Variants in TNC observed in about 807,000 individuals in gnomAD.
TNC encodes tenascin C, also known as tenascin.
TNC carries 109 observed loss-of-function variants against 202.4 expected under a neutral mutation model. The ratio of observed to expected loss-of-function variants is 0.54; its 90% CI spans 0.46 to 0.63. TNC has a LOEUF of 0.63. Ranked by LOEUF, TNC falls within the 30% of genes least tolerant of loss-of-function variation. The pLI is 0.00. For synonymous variants in TNC, 1,007 were observed against 1,089.7 expected (o/e 0.92, Z 1.50); for missense variants, 2,756 against 2,833.3 (o/e 0.97, Z 0.62).
chr9:115,056,502 T>G (rs2132422825), intron 15 of TNC, among the ~76,000 whole-genome samples: 1 of 152,342 alleles, frequency 6.6e-6, no homozygotes, highest in South Asian at 2.1e-4. Flanking sequence ...GTCCCTTGTT[T>G]GAACACAACT....
intron 9 of TNC, among the ~76,000 whole-genome samples, chr9:115,074,743 C>G (rs1226568789): frequency 6.6e-6 from 1 of 151,818 alleles, no homozygotes; most frequent in Non-Finnish European, 1.5e-5. Context: ...TGTATCTTGA[C>G]TCTAGTGGTG....
chr9:115,047,240 C>CTTTTTTTTTTTT (rs397975455), intron 16 of TNC, among the ~76,000 whole-genome samples: 1 of 107,230 alleles, frequency 9.3e-6, no homozygotes, highest in African/African-American at 3.6e-5. Context: ...CTACCCTTGA[C>CTTTTTTTTTTTT]TTTTTTTTTT....
In TNC at chr9:115,062,915, AC is replaced by A. The variant is rs746028442; in HGVS notation, c.4033+1del. 1 of 1,611,728 alleles carries A rather than the reference AC, an allele frequency of 6.2e-7. No individual in the cohort carries two copies. The highest frequency in any genetic ancestry group is 1.7e-5 in the Admixed American group (1 of 59,950). On this transcript the variant is annotated splice_donor_variant, in intron 13 of 27. Transcript: ENST00000350763. LOFTEE classifies it high-confidence loss of function. ...CTCCAGTCTGGGAGGAGGGTCATAT[AC>A]CTGTGACGACCTCTACAGCAAGGGG...
At chr9:115,075,436 G>T (rs2133108301) in intron 9 of TNC, among the ~76,000 whole-genome samples, 1 of 152,262 alleles carries the variant, frequency 6.6e-6, no homozygotes, top group East Asian at 1.9e-4. Flanking sequence ...AGATGCAACT[G>T]ATTACCAACT....
intron 1 of TNC, among the ~76,000 whole-genome samples, chr9:115,101,908 C>CATA (rs1308785130): frequency 6.6e-6 from 1 of 152,042 alleles, no homozygotes; most frequent in African/African-American, 2.4e-5. Context: ...AAGAAGTTGA[C>CATA]ATAATAATAA....
At chr9:115,082,914 C>T (rs1343519992) in intron 4 of TNC, 107 bp from the exon 5 acceptor site, 2 of 739,372 alleles carry the variant, frequency 2.7e-6, no homozygotes, top group African/African-American at 1.7e-5. Context: ...CAGTCAGGGG[C>T]TGACAACCAG....
At chr9:115,036,529 C>T (rs184345801) in intron 20 of TNC, among the ~76,000 whole-genome samples, 13 of 152,270 alleles carry the variant, frequency 8.5e-5, no homozygotes, top group African/African-American at 2.9e-4. Context: ...TGGCTGGAAT[C>T]GCTTTGCCAC....
At chr9:115,048,142 C>T (rs957033143) in intron 16 of TNC, 118 bp downstream of exon 16, 1 of 1,295,426 alleles carries the variant, frequency 7.7e-7, no homozygotes, top group African/African-American at 1.5e-5. Context: ...CAGTAGACTA[C>T]ATTTATGGAT....
Position 115,086,511 on chromosome 9 carries a change from T to C in TNC, c.1220A>G (p.Lys407Arg). The C allele has an allele frequency of 2.5e-6, 4 of 1,613,482 alleles. No individual in the cohort carries two copies. The highest frequency in any genetic ancestry group is 3.4e-6 in the Non-Finnish European group (4 of 1,179,922). ...GFTGADCGEL[K>R]CPNGCSGHGR... ...ATGGCCACTGCAGCCATTGGGACAC[T>C]TGAGCTCCCCACAGTCAGCTCCAGT... The change falls in exon 3 of 28, where the codon AAG (lysine) becomes AGG (arginine). Residue 407 changes from lysine (K) to arginine (R), a missense_variant. Coordinates refer to ENST00000350763, the MANE Select transcript of TNC (RefSeq NM_002160.4).
In TNC at chr9:115,036,094, G is replaced by T. The variant is rs558578965; in HGVS notation, c.5656+4C>A. ...AGAGCTTCCAGCTCTCAGTGTCTTT[G>T]TACCTGTTGTGAACTTGGCAGTGAT... On this transcript the variant is annotated splice_donor_region_variant and intron_variant, in intron 21 of 27. Transcript: ENST00000350763. The T allele has an allele frequency of 2.5e-6, 4 of 1,614,128 alleles. No homozygotes were observed. The highest frequency in any genetic ancestry group is 1.1e-5 in the South Asian group (1 of 91,074).
At chr9:115,095,407 C>T (rs1475353717) in intron 1 of TNC, among the ~76,000 whole-genome samples, 5 of 149,090 alleles carry the variant, frequency 3.4e-5, no homozygotes, top group African/African-American at 9.9e-5. Context: ...AACTTTTCCT[C>T]TCTCAGTGAT....
chr9:115,041,130 C>T, intron 18 of TNC, 46 bp from the exon 19 acceptor site: 4 of 1,560,330 alleles, frequency 2.6e-6, no homozygotes, highest in East Asian at 2.3e-5. Flanking sequence ...ACCTCACTGA[C>T]ACTTATTCAC....
chr9:115,117,066 T>C (rs2134579764), intron 1 of TNC, among the ~76,000 whole-genome samples: 1 of 152,334 alleles, frequency 6.6e-6, no homozygotes, highest in East Asian at 1.9e-4. Context: ...GCAGACGCTA[T>C]TGTCCCCATT....
chr9:115,036,190 G>C lies in TNC; in HGVS notation c.5564C>G (p.Thr1855Ser), dbSNP rs765447638. ...VSGNTVEYAL[T>S]DLEPATEYTL... ...GTATTCCGTGGCAGGCTCGAGGTCG[G>C]TCAGAGCATACTCCACTGTGTTCCC... Residue 1855 changes from threonine to serine, a missense_variant, in exon 21 of 28, where the codon ACC (threonine) becomes AGC (serine). Physicochemically the swap from Thr to Ser is moderately conservative, Grantham distance 58. This residue lies in a region of TNC where 2,559 missense variants were observed against 2,546.0 expected (regional missense o/e 1.01). Coordinates refer to ENST00000350763, the MANE Select transcript of TNC (RefSeq NM_002160.4). The C allele has an allele frequency of 6.2e-7, 1 of 1,614,156 alleles. No homozygotes were observed. The highest frequency in any genetic ancestry group is 8.5e-7 in the Non-Finnish European group (1 of 1,180,004).
intron 15 of TNC, among the ~76,000 whole-genome samples, chr9:115,055,087 T>C (rs1439036497): frequency 6.6e-6 from 1 of 151,282 alleles, no homozygotes; most frequent in Non-Finnish European, 1.5e-5. Context: ...AGAAATGGCA[T>C]GCACATACCT....
At chr9:115,083,194 GGAGT>G (rs1834437620) in intron 4 of TNC, among the ~76,000 whole-genome samples, 4 of 152,298 alleles carry the variant, frequency 2.6e-5, no homozygotes, top group Non-Finnish European at 5.9e-5. Context: ...AATGCATTGA[GGAGT>G]GAGTGATATA....
At chr9:115,060,550 G>A (rs888007895) in intron 13 of TNC, among the ~76,000 whole-genome samples, 2 of 152,174 alleles carry the variant, frequency 1.3e-5, no homozygotes, top group East Asian at 1.9e-4. Context: ...CTGATACATG[G>A]CGAGTGCCCA....
In TNC at chr9:115,083,831, G is replaced by A. The variant is rs772504152; in HGVS notation, c.2131+378C>T. Among the ~76,000 whole-genome samples the A allele has an allele frequency of 4.6e-5, 7 of 152,010 alleles. No individual in the cohort carries two copies. In the South Asian group the frequency reaches 6.2e-4, roughly 14 times the overall value. ...TGCTGGCCAGGCTGGTCTTGAACTC[G>A]TGACCCCAGGTGATCCACCTACTTT... On this transcript the variant is annotated intron_variant, in intron 4 of 27. Coordinates refer to ENST00000350763, the MANE Select transcript of TNC (RefSeq NM_002160.4).
Position 115,031,505 on chromosome 9 carries a change from C to T in TNC, c.5920+48G>A, listed in dbSNP as rs764153747. ...TCAAAGGGGAAGTCAAGGGTTGATT[C>T]AGTCAAAGTTAGATCTCAAGGCTGG... On this transcript the variant is annotated intron_variant, in intron 23 of 27. Transcript: ENST00000350763. 2.8e-6 allele frequency: 4 copies of T among 1,450,078 alleles called. No homozygotes were observed. The South Asian group carries it at 6.4e-5, about 23-fold the overall frequency. 89.8% of individuals were successfully genotyped at this position (1,450,078 alleles called of 1,614,324 possible). A position where few individuals can be genotyped will look rare whatever the true frequency, so the allele number is the denominator to read the frequency against.
Sources: gnomAD v4.1 joint callset for allele counts (sites outside exome capture counted in the v4.1 genomes callset) on GRCh38, gnomAD v4.1.1 for gene constraint, gnomAD v4.1.1 regional missense constraint, MANE v1.5 for transcripts, NCBI Gene and HGNC (gene_info 2026-07-23, HGNC 2026-07-21) for gene names.